Variants in ABTB3 observed in about 807,000 individuals in gnomAD.
ABTB3 encodes the protein ankyrin repeat and BTB domain containing 3.
the ABTB3 span, among the ~76,000 whole-genome samples, chr12:107,491,558 C>T: frequency 6.6e-6 from 1 of 152,142 alleles, no homozygotes; most frequent in African/African-American, 2.4e-5. Flanking sequence ...CTGGATGGCT[C>T]ATGCCTGTAA....
At chr12:107,525,403 T>C in the ABTB3 span, among the ~76,000 whole-genome samples, 1 of 151,068 alleles carries the variant, frequency 6.6e-6, no homozygotes, top group Admixed American at 6.6e-5. Context: ...CATTTTTTAC[T>C]GTACCTTTTT....
At chr12:107,588,748 T>C in the ABTB3 span, among the ~76,000 whole-genome samples, 1 of 152,212 alleles carries the variant, frequency 6.6e-6, no homozygotes, top group East Asian at 1.9e-4. Context: ...CTGGAACTCC[T>C]GACCTCAGCT....
the ABTB3 span, among the ~76,000 whole-genome samples, chr12:107,560,777 C>CT: frequency 6.6e-6 from 1 of 152,190 alleles, no homozygotes; most frequent in South Asian, 2.1e-4. Context: ...AAGTTTTGAG[C>CT]TTGTTCTGTG....
the ABTB3 span, among the ~76,000 whole-genome samples, chr12:107,624,427 G>A: frequency 1.1e-4 from 16 of 152,120 alleles, no homozygotes; most frequent in South Asian, 4.2e-4. Context: ...TGACATGATC[G>A]TCAACATGCA....
chr12:107,407,956 G>A, the ABTB3 span, among the ~76,000 whole-genome samples: 1 of 152,044 alleles, frequency 6.6e-6, no homozygotes, highest in Non-Finnish European at 1.5e-5. Flanking sequence ...AGGCTGGACT[G>A]CAAAGTCCTG....
chr12:107,527,407 G>A, the ABTB3 span, among the ~76,000 whole-genome samples: 3 of 152,128 alleles, frequency 2.0e-5, no homozygotes, highest in African/African-American at 7.2e-5. Context: ...AAGTAGCTGG[G>A]ACTACAGGCA....
chr12:107,357,539 A>G, the ABTB3 span, among the ~76,000 whole-genome samples: 1 of 152,138 alleles, frequency 6.6e-6, no homozygotes, highest in Non-Finnish European at 1.5e-5. Context: ...TGAGCTTCAG[A>G]GTTTGAGGCT....
chr12:107,352,628 C>A, the ABTB3 span, among the ~76,000 whole-genome samples: 3 of 152,100 alleles, frequency 2.0e-5, no homozygotes, highest in South Asian at 6.2e-4. Flanking sequence ...TGAGAGCGTG[C>A]CTTTTTCTAA....
the ABTB3 span, among the ~76,000 whole-genome samples, chr12:107,487,679 C>T: frequency 6.6e-6 from 1 of 152,162 alleles, no homozygotes; most frequent in Non-Finnish European, 1.5e-5. Context: ...TAGGGTTGAT[C>T]TTCAAGGAAA....
the ABTB3 span, among the ~76,000 whole-genome samples, chr12:107,527,976 G>T: frequency 6.6e-6 from 1 of 152,160 alleles, no homozygotes; most frequent in Non-Finnish European, 1.5e-5. Flanking sequence ...GTGAGAAAAG[G>T]GTGACAATAC....
At chr12:107,533,647 G>T in the ABTB3 span, among the ~76,000 whole-genome samples, 1 of 152,166 alleles carries the variant, frequency 6.6e-6, no homozygotes, top group African/African-American at 2.4e-5. Flanking sequence ...ATTAGCTAAA[G>T]GGAGAGATTT....
the ABTB3 span, among the ~76,000 whole-genome samples, chr12:107,503,494 A>C: frequency 6.6e-6 from 1 of 152,036 alleles, no homozygotes; most frequent in South Asian, 2.1e-4. Context: ...AGGCCAGTCG[A>C]GGTGGCTCAC....
At chr12:107,399,199 A>C in the ABTB3 span, among the ~76,000 whole-genome samples, 1 of 152,210 alleles carries the variant, frequency 6.6e-6, no homozygotes. Flanking sequence ...CTTTAAACAG[A>C]AGCCCAGCTG....
At chr12:107,534,168 C>G in the ABTB3 span, among the ~76,000 whole-genome samples, 1 of 151,226 alleles carries the variant, frequency 6.6e-6, no homozygotes, top group South Asian at 2.1e-4. Context: ...CTGTGAATAG[C>G]CACTTCGTTC....
the ABTB3 span, among the ~76,000 whole-genome samples, chr12:107,553,479 G>A: frequency 1.3e-5 from 2 of 152,180 alleles, no homozygotes; most frequent in African/African-American, 4.8e-5. Context: ...ATAGGGAAGG[G>A]AGCTACATGC....
chr12:107,370,268 G>T, the ABTB3 span, among the ~76,000 whole-genome samples: 1 of 152,174 alleles, frequency 6.6e-6, no homozygotes, highest in African/African-American at 2.4e-5. Context: ...TTCCTTCTGT[G>T]TATCCCCATG....
At chr12:107,602,384 A>G in the ABTB3 span, among the ~76,000 whole-genome samples, 3 of 152,222 alleles carry the variant, frequency 2.0e-5, no homozygotes, top group African/African-American at 7.2e-5. Flanking sequence ...TGCTTCTTCC[A>G]AATACAGTAT....
the ABTB3 span, among the ~76,000 whole-genome samples, chr12:107,436,225 A>T: frequency 1.3e-5 from 2 of 152,198 alleles, no homozygotes; most frequent in African/African-American, 2.4e-5. Context: ...CACCTACTGA[A>T]GACTCTCCAA....
the ABTB3 span, among the ~76,000 whole-genome samples, chr12:107,509,333 C>A: frequency 1.3e-5 from 2 of 152,162 alleles, no homozygotes; most frequent in Non-Finnish European, 2.9e-5. Flanking sequence ...ATGTAGAAAA[C>A]AAAGATGGAG....
Sources: allele counts gnomAD v4.1 joint callset (sites outside exome capture counted in the v4.1 genomes callset), GRCh38; gene constraint gnomAD v4.1.1; transcripts MANE v1.5; gene names NCBI Gene and HGNC (gene_info 2026-07-23, HGNC 2026-07-21).